IQCK: variants seen among roughly 807,000 people sequenced by gnomAD.
The protein encoded by IQCK is IQ motif containing K.
IQCK carries 29 observed loss-of-function variants against 28.1 expected under a neutral mutation model. That is an observed-to-expected ratio of 1.03 (90% CI 0.77 to 1.41). The LOEUF (loss-of-function observed/expected upper bound fraction) is 1.41, where lower values mean the gene tolerates loss of function less well. IQCK is among the 40% of genes most tolerant of loss of function. The pLI, the probability that IQCK is intolerant of heterozygous loss-of-function variation, is 0.00. For synonymous variants in IQCK, 113 were observed against 115.1 expected (o/e 0.98, Z 0.12); for missense variants, 359 against 314.7 (o/e 1.14, Z -1.07).
intron 4 of IQCK, among the ~76,000 whole-genome samples, chr16:19,762,247 C>T (rs564743136): frequency 2.0e-5 from 3 of 152,196 alleles, no homozygotes; most frequent in Admixed American, 6.5e-5. Flanking sequence ...GAGAGTGGAC[C>T]GTGGGTGGAG....
intron 1 of IQCK, among the ~76,000 whole-genome samples, chr16:19,723,507 G>C (rs991482990): frequency 1.3e-5 from 2 of 152,116 alleles, no homozygotes; most frequent in African/African-American, 2.4e-5. Context: ...GGCTTAGAAA[G>C]GTTAGGAAAC....
At chr16:19,735,914 A>T (rs1044299231) in intron 4 of IQCK, 7 of 329,536 alleles carry the variant, frequency 2.1e-5, no homozygotes, top group African/African-American at 1.1e-4. Context: ...ATTTTTTTTT[A>T]AATTAGCTAG....
At chr16:19,840,118 G>T (rs894380759) in intron 9 of IQCK, among the ~76,000 whole-genome samples, 1 of 152,060 alleles carries the variant, frequency 6.6e-6, no homozygotes, top group African/African-American at 2.4e-5. Flanking sequence ...GACTTTGGGA[G>T]GCCAAGGCTG....
At chr16:19,765,107 A>C (rs2055211596) in intron 6 of IQCK, among the ~76,000 whole-genome samples, 1 of 147,450 alleles carries the variant, frequency 6.8e-6, no homozygotes. Flanking sequence ...CTGTAGTCCC[A>C]GCAACTCGGG....
At chr16:19,731,641 ATTGT>A (rs1304992808) in intron 2 of IQCK, among the ~76,000 whole-genome samples, 1 of 152,106 alleles carries the variant, frequency 6.6e-6, no homozygotes, top group African/African-American at 2.4e-5. Flanking sequence ...AAGAGATTTG[ATTGT>A]TTATTAATGG....
At chr16:19,783,251 G>A (rs1317912441) in intron 6 of IQCK, among the ~76,000 whole-genome samples, 2 of 151,956 alleles carry the variant, frequency 1.3e-5, no homozygotes, top group Non-Finnish European at 2.9e-5. Flanking sequence ...CACCCACCTC[G>A]GCCTACCAAA....
At chr16:19,726,203 C>A (rs770349178) in intron 1 of IQCK, among the ~76,000 whole-genome samples, 2 of 149,106 alleles carry the variant, frequency 1.3e-5, no homozygotes, top group Non-Finnish European at 3.0e-5. Context: ...CGTGAGCCAC[C>A]GTGCCCAGTC....
intron 6 of IQCK, among the ~76,000 whole-genome samples, chr16:19,766,680 A>G (rs938884064): frequency 3.0e-4 from 46 of 151,762 alleles, no homozygotes; most frequent in African/African-American, 9.8e-4. Context: ...TCCACTCACT[A>G]GATGCCAGTA....
intron 6 of IQCK, among the ~76,000 whole-genome samples, chr16:19,774,005 C>T (rs1181668821): frequency 1.3e-5 from 2 of 152,142 alleles, no homozygotes; most frequent in Non-Finnish European, 2.9e-5. Context: ...TTGCGGGGGT[C>T]ATCAGCATAG....
intron 7 of IQCK, among the ~76,000 whole-genome samples, chr16:19,823,989 A>C (rs987878568): frequency 2.0e-4 from 31 of 152,148 alleles, no homozygotes; most frequent in Non-Finnish European, 2.6e-4. Context: ...AGTGGTCCCC[A>C]ACCTTTTTGG....
At chr16:19,775,240 A>C (rs1597547333) in intron 6 of IQCK, among the ~76,000 whole-genome samples, 1 of 152,052 alleles carries the variant, frequency 6.6e-6, no homozygotes, top group East Asian at 1.9e-4. Flanking sequence ...AAAAAAAAAA[A>C]AAAAAGAAGA....
At chr16:19,786,753 G>GA (rs139790198) in intron 6 of IQCK, among the ~76,000 whole-genome samples, 4,440 of 123,390 alleles carry the variant, frequency 0.036, 496 homozygotes, top group African/African-American at 0.16. Flanking sequence ...AAAGAAAGGG[G>GA]AAAAAAAGGA....
At chr16:19,771,812 C>G (rs572511533) in intron 6 of IQCK, among the ~76,000 whole-genome samples, 1 of 152,132 alleles carries the variant, frequency 6.6e-6, no homozygotes, top group Non-Finnish European at 1.5e-5. Flanking sequence ...ATGGTGGGTG[C>G]TGTCACTCAC....
At chr16:19,799,591 TATATATACACAC>T (rs1204722012) in intron 7 of IQCK, among the ~76,000 whole-genome samples, 1 of 102,372 alleles carries the variant, frequency 9.8e-6, no homozygotes, top group African/African-American at 5.7e-5. Context: ...TTTATATATA[TATATATACACAC>T]ACACACACAC....
At chr16:19,806,768 G>GGA (rs2055840336) in intron 7 of IQCK, among the ~76,000 whole-genome samples, 1 of 148,020 alleles carries the variant, frequency 6.8e-6, no homozygotes, top group Non-Finnish European at 1.5e-5. Context: ...GAGGAGATGA[G>GGA]GAAGCAGTCA....
At chr16:19,812,321 C>T (rs1174960729) in intron 7 of IQCK, among the ~76,000 whole-genome samples, 1 of 152,126 alleles carries the variant, frequency 6.6e-6, no homozygotes, top group Non-Finnish European at 1.5e-5. Context: ...TTATGTAATA[C>T]ATATAGACAG....
At chr16:19,827,306 G>C, downstream of IQCK, 1 of 599,406 alleles carries the variant, frequency 1.7e-6, no homozygotes, top group Non-Finnish European at 3.0e-6. Context: ...GAATGACAGA[G>C]GTGATGTGAT....
chr16:19,824,772 T>A (rs1294819812), intron 7 of IQCK, among the ~76,000 whole-genome samples: 1 of 152,184 alleles, frequency 6.6e-6, no homozygotes, highest in East Asian at 1.9e-4. Flanking sequence ...AGAGGAAGGA[T>A]GTGAGTGGCT....
chr16:19,813,865 G>GTT (rs2055939863), intron 7 of IQCK, among the ~76,000 whole-genome samples: 1 of 151,594 alleles, frequency 6.6e-6, no homozygotes, highest in African/African-American at 2.4e-5. Context: ...ACAGCCTTTT[G>GTT]TTTTGTTTTG....
Sources: allele counts gnomAD v4.1 joint callset (sites outside exome capture counted in the v4.1 genomes callset), GRCh38; gene constraint gnomAD v4.1.1; transcripts MANE v1.5; gene names NCBI Gene and HGNC (gene_info 2026-07-23, HGNC 2026-07-21).